The following KLHL3 variants were observed in gnomAD, a reference collection of about 807,000 sequenced individuals.
KLHL3 encodes kelch like family member 3, also known as kelch-like protein 3.
In KLHL3, 19 loss-of-function variants were observed where a neutral mutation model predicts 70.5. The observed-to-expected ratio is 0.27, with a 90% CI of 0.19 to 0.40. The LOEUF is 0.40. KLHL3 is among the 10% of genes least tolerant of loss of function. The probability of loss-of-function intolerance (pLI) is 1.00; values close to 1 mark genes in which losing one functional copy is unlikely to be tolerated. For synonymous variants in KLHL3, 258 were observed against 290.3 expected (o/e 0.89, Z 1.13); for missense variants, 512 against 771.1 (o/e 0.66, Z 3.98).
At chr5:137,712,720 C>A (rs1040216161) in intron 2 of KLHL3, among the ~76,000 whole-genome samples, 7 of 152,072 alleles carry the variant, frequency 4.6e-5, no homozygotes, top group African/African-American at 1.7e-4. Flanking sequence ...TGGAAAAGTA[C>A]AATGTAGCTG....
intron 2 of KLHL3, among the ~76,000 whole-genome samples, chr5:137,713,702 T>C (rs971514820): frequency 2.0e-5 from 3 of 152,154 alleles, no homozygotes; most frequent in Admixed American, 6.5e-5. Context: ...ATTTAAAACA[T>C]TTGTGCTTCA....
chr5:137,663,705 C>A (rs1422298880), intron 6 of KLHL3, among the ~76,000 whole-genome samples: 1 of 152,026 alleles, frequency 6.6e-6, no homozygotes, highest in African/African-American at 2.4e-5. Context: ...AGTTGAATCC[C>A]TGGATATGGA....
At chr5:137,719,230 T>C (rs1752952100) in intron 2 of KLHL3, among the ~76,000 whole-genome samples, 1 of 152,262 alleles carries the variant, frequency 6.6e-6, no homozygotes, top group African/African-American at 2.4e-5. Flanking sequence ...ATTTGTACTA[T>C]AGAAAGATTA....
intron 1 of KLHL3, among the ~76,000 whole-genome samples, chr5:137,730,851 T>C (rs1391507493): frequency 1.3e-5 from 2 of 152,154 alleles, no homozygotes; most frequent in African/African-American, 2.4e-5. Flanking sequence ...TCCAGGAAAG[T>C]TGTGCTAAGA....
In KLHL3 at chr5:137,617,629, T is replaced by C. The variant is rs529598269; in HGVS notation, c.*4469A>G. ...CTGATCAAGCATGTGACAAGTGTTCTTTTACAAGATATACAGTCCCTAACA... is the reference window on the plus strand; with the variant it reads ...CTGATCAAGCATGTGACAAGTGTTCCTTTACAAGATATACAGTCCCTAACA... On this transcript the variant is annotated 3_prime_UTR_variant, in exon 15 of 15. Coordinates refer to ENST00000309755, the MANE Select transcript of KLHL3 (RefSeq NM_017415.3). The C allele has an allele frequency of 6.6e-6, 1 of 152,352 alleles. No homozygotes were observed. The highest frequency in any genetic ancestry group is 6.5e-5 in the Admixed American group (1 of 15,312). The allele number at this position is 152,352 out of a possible 1,614,324, so 9.4% of individuals were successfully genotyped here.
At chr5:137,678,811 C>A (rs1751951135) in intron 5 of KLHL3, among the ~76,000 whole-genome samples, 1 of 151,912 alleles carries the variant, frequency 6.6e-6, no homozygotes, top group African/African-American at 2.4e-5. Flanking sequence ...TATTTTCCAT[C>A]TTCCACTGGA....
At chr5:137,623,402 A>G (rs1750373787) in intron 14 of KLHL3, among the ~76,000 whole-genome samples, 1 of 152,236 alleles carries the variant, frequency 6.6e-6, no homozygotes, top group Admixed American at 6.5e-5. Context: ...CTAAAGGTGC[A>G]GACACAGAAG....
intron 12 of KLHL3, among the ~76,000 whole-genome samples, chr5:137,631,208 G>GACCA (rs1448124671): frequency 1.3e-5 from 2 of 152,088 alleles, no homozygotes; most frequent in Non-Finnish European, 2.9e-5. Flanking sequence ...ACAGGAACCA[G>GACCA]CAGTAAAGAG....
chr5:137,659,929 A>G lies in KLHL3; in HGVS notation c.754-1649T>C, dbSNP rs1282370331. Among the ~76,000 whole-genome samples, 3 of 152,142 alleles carry G rather than the reference A, an allele frequency of 2.0e-5. No individual in the cohort carries two copies. In the East Asian group the frequency reaches 5.8e-4, roughly 29 times the overall value. On this transcript the variant is annotated intron_variant, in intron 7 of 14. Transcript: ENST00000309755. ...GCCTAATAAATGCTACCTTTTGTGA[A>G]AGAAAAAAAAACCTCCCCCAGAAGT...
At chr5:137,673,310 C>T (rs1460013769) in intron 6 of KLHL3, among the ~76,000 whole-genome samples, 1 of 152,152 alleles carries the variant, frequency 6.6e-6, no homozygotes, top group Non-Finnish European at 1.5e-5. Flanking sequence ...CTGGACAGCC[C>T]TGTACGTAAG....
chr5:137,701,128 GTT>G (rs1247594294), intron 3 of KLHL3, among the ~76,000 whole-genome samples: 1 of 151,988 alleles, frequency 6.6e-6, no homozygotes, highest in Non-Finnish European at 1.5e-5. Context: ...TGCCTCCCGT[GTT>G]CAAGTGATTC....
At chr5:137,692,598 T>A in intron 4 of KLHL3, 151 bp from the exon 5 acceptor site, 2 of 689,138 alleles carry the variant, frequency 2.9e-6, no homozygotes, top group Non-Finnish European at 5.1e-6. Flanking sequence ...CTTTCCAGCC[T>A]TATTTCCCAC....
intron 3 of KLHL3, among the ~76,000 whole-genome samples, chr5:137,701,370 T>A (rs1329973163): frequency 6.6e-6 from 1 of 152,104 alleles, no homozygotes; most frequent in African/African-American, 2.4e-5. Context: ...TCAAGAGGGA[T>A]TTACACATAG....
chr5:137,650,749 G>C (rs1751179417), intron 8 of KLHL3, among the ~76,000 whole-genome samples: 1 of 151,478 alleles, frequency 6.6e-6, no homozygotes, highest in Non-Finnish European at 1.5e-5. Context: ...TTGAACCCAG[G>C]AATCAGAGGT....
chr5:137,696,435 G>A (rs1367654823), intron 4 of KLHL3, among the ~76,000 whole-genome samples: 1 of 152,226 alleles, frequency 6.6e-6, no homozygotes, highest in Non-Finnish European at 1.5e-5. Flanking sequence ...TGCAACTGAG[G>A]ACAAATTACT....
chr5:137,698,554 G>A (rs895870485), intron 3 of KLHL3, 146 bp from the exon 4 acceptor site: 4 of 885,922 alleles, frequency 4.5e-6, no homozygotes, highest in Non-Finnish European at 7.0e-6. Context: ...CACAGAAGAG[G>A]ATAAACCAGG....
chr5:137,688,574 T>G (rs1752245158), intron 5 of KLHL3, among the ~76,000 whole-genome samples: 1 of 152,210 alleles, frequency 6.6e-6, no homozygotes, highest in African/African-American at 2.4e-5. Flanking sequence ...ATGCCAACTC[T>G]AGCCACATGC....
rs1188982444 is a variant in KLHL3 at position 137,658,310 on chromosome 5, G to A, written c.754-30C>T. 3.1e-6 allele frequency: 5 copies of A among 1,612,202 alleles called. No individual in the cohort carries two copies. In the South Asian group the frequency reaches 4.4e-5, roughly 14 times the overall value. Reference sequence around the variant, plus strand: ...AGGTAATAATCCACAGATGATCCTGGAGCACAGCTCAGCCACATTTCCCAA... The same window carrying A: ...AGGTAATAATCCACAGATGATCCTGAAGCACAGCTCAGCCACATTTCCCAA... On this transcript the variant is annotated intron_variant, in intron 7 of 14. Coordinates refer to ENST00000309755, the MANE Select transcript of KLHL3 (RefSeq NM_017415.3).
At chr5:137,623,893 T>G (rs1750384959) in intron 14 of KLHL3, among the ~76,000 whole-genome samples, 1 of 152,184 alleles carries the variant, frequency 6.6e-6, no homozygotes, top group Non-Finnish European at 1.5e-5. Flanking sequence ...CAAATTCATA[T>G]CTGACTCCAA....
Sources: allele counts gnomAD v4.1 joint callset (sites outside exome capture counted in the v4.1 genomes callset), GRCh38; gene constraint gnomAD v4.1.1; transcripts MANE v1.5; gene names NCBI Gene and HGNC (gene_info 2026-07-23, HGNC 2026-07-21).